Variants in TTLL2 observed in about 807,000 individuals in gnomAD.
TTLL2 encodes the protein probable tubulin polyglutamylase TTLL2.
In TTLL2, 10 loss-of-function variants were observed where a neutral mutation model predicts 7.5. The observed-to-expected ratio is 1.33, with a 90% confidence interval of 0.82 to 2.25. TTLL2 has a LOEUF of 2.25. TTLL2 is among the 30% of genes most tolerant of loss of function. The pLI, the probability that TTLL2 is intolerant of heterozygous loss-of-function variation, is 0.00. For synonymous variants in TTLL2, 284 were observed against 280.3 expected (o/e 1.01, Z -0.13); for missense variants, 733 against 735.7 (o/e 1.00, Z 0.04).
intron 2 of TTLL2, 42 bp downstream of exon 2, chr6:167,338,845 T>A (rs1779030360): frequency 7.0e-7 from 1 of 1,436,546 alleles, no homozygotes; most frequent in Non-Finnish European, 9.3e-7. Flanking sequence ...CCTTCCTTCC[T>A]TCCTTCCTTC....
In TTLL2 at chr6:167,341,837, T is replaced by C; in HGVS notation, c.*158T>C. On this transcript the variant is annotated 3_prime_UTR_variant, in exon 3 of 3. Coordinates refer to ENST00000239587, the MANE Select transcript of TTLL2 (RefSeq NM_031949.5). ...TGGCCATATGTATAAATATAACAGC[T>C]CTGACAAAGCACAATATGTTCAAGT... The C allele has an allele frequency of 1.3e-6, 1 of 758,244 alleles. No individual in the cohort carries two copies. Among genetic ancestry groups the C allele is most frequent in the Non-Finnish European group, 2.1e-6 (1 of 486,412 alleles). 47.0% of individuals were successfully genotyped at this position (758,244 alleles called of 1,614,324 possible).
intron 1 of TTLL2, among the ~76,000 whole-genome samples, chr6:167,326,703 C>G (rs1048981047): frequency 6.6e-6 from 1 of 152,190 alleles, no homozygotes; most frequent in Non-Finnish European, 1.5e-5. Context: ...TGTAAACTTT[C>G]TTAAAACATC....
At chr6:167,335,329 T>C (rs1314879309) in intron 1 of TTLL2, among the ~76,000 whole-genome samples, 2 of 151,276 alleles carry the variant, frequency 1.3e-5, no homozygotes, top group East Asian at 3.9e-4. Context: ...CAACAGGTGC[T>C]GGAGAGGATG....
At chr6:167,329,811 T>C (rs185642151) in intron 1 of TTLL2, among the ~76,000 whole-genome samples, 15 of 152,336 alleles carry the variant, frequency 9.8e-5, no homozygotes, top group African/African-American at 3.6e-4. Context: ...TTTATTATGC[T>C]AGCAGTCGTT....
chr6:167,338,222 C>G (rs1317822578), intron 1 of TTLL2, among the ~76,000 whole-genome samples: 1 of 151,822 alleles, frequency 6.6e-6, no homozygotes, highest in African/African-American at 2.4e-5. Flanking sequence ...ACACACACAA[C>G]ATACACACAA....
intron 1 of TTLL2, among the ~76,000 whole-genome samples, chr6:167,334,119 T>C (rs1299116714): frequency 1.4e-5 from 2 of 142,754 alleles, no homozygotes; most frequent in Non-Finnish European, 3.0e-5. Flanking sequence ...TTTGAATGCG[T>C]CCCAGAGATT....
rs76126358 is a variant in TTLL2, at chr6:167,342,680, A to C, written c.*1001A>C. ...TGTGTTTTACCACAATAAAAAAGTT[A>C]AAAGCTGGCCATGGTGGCTCATGCC... is the stretch of plus-strand genomic sequence containing the variant. On this transcript the variant is annotated 3_prime_UTR_variant, in exon 3 of 3. Coordinates refer to ENST00000239587, the MANE Select transcript of TTLL2 (RefSeq NM_031949.5). 4.3e-4 allele frequency among the ~76,000 whole-genome samples: 65 copies of C among 152,294 alleles called. No homozygotes were observed. In the East Asian group the frequency reaches 0.011, roughly 26 times the overall value.
In TTLL2 at chr6:167,341,059, G is replaced by A. The variant is rs780860560; in HGVS notation, c.1159G>A (p.Val387Ile). 6.2e-6 allele frequency: 10 copies of A among 1,613,874 alleles called. No individual in the cohort carries two copies. The highest frequency in any genetic ancestry group is 8.5e-6 in the Non-Finnish European group (10 of 1,180,018). Residue 387 changes from valine to isoleucine, a missense_variant, in exon 3 of 3, where the codon GTC (valine) becomes ATC (isoleucine). By Grantham distance (29) the Val-to-Ile change is conservative. Transcript: ENST00000239587. ...DDNLKPWLLE[V>I]NYSPALTLDC... ...CAACTTGAAACCATGGCTTTTAGAG[G>A]TCAACTACAGCCCAGCCTTGACCTT...
At chr6:167,325,352 G>C in intron 1 of TTLL2, 132 bp downstream of exon 1, 2 of 850,296 alleles carry the variant, frequency 2.4e-6, no homozygotes, top group Non-Finnish European at 3.5e-6. Flanking sequence ...GACCCCCGAG[G>C]GGCAATTTGT....
In TTLL2 at chr6:167,338,757, C is replaced by G; in HGVS notation, c.158C>G (p.Ser53Cys). The G allele has an allele frequency of 6.2e-7, 1 of 1,613,870 alleles. No homozygotes were observed. Among genetic ancestry groups the G allele is most frequent in the Non-Finnish European group, 8.5e-7 (1 of 1,179,878 alleles). Reference sequence around the variant, plus strand: ...GCAAGGCTACAGGAAGCAGGTGTTTCCATCCCTCCCAGGCGAGGCCGCCCA... The same window carrying G: ...GCAAGGCTACAGGAAGCAGGTGTTTGCATCCCTCCCAGGCGAGGCCGCCCA... ...LGARLQEAGV[S>C]IPPRRGRPTP... The change falls in exon 2 of 3, where the codon TCC becomes TGC. Residue 53 changes from serine (S) to cysteine (C), a missense_variant. Ser to Cys is a moderately radical substitution (Grantham distance 112, BLOSUM62 -1). Transcript: ENST00000239587.
intron 1 of TTLL2, among the ~76,000 whole-genome samples, chr6:167,326,718 A>AT (rs752363754): frequency 2.6e-5 from 4 of 152,072 alleles, no homozygotes; most frequent in Admixed American, 6.5e-5. Context: ...AACATCATGA[A>AT]TTTTTTGTGA....
At chr6:167,336,481 A>T (rs2115219675) in intron 1 of TTLL2, among the ~76,000 whole-genome samples, 1 of 152,244 alleles carries the variant, frequency 6.6e-6, no homozygotes, top group East Asian at 1.9e-4. Flanking sequence ...AAGCATATAA[A>T]TATATAATTA....
Position 167,341,469 on chromosome 6 carries a change from C to T in TTLL2, c.1569C>T (p.Pro523=). ...ACACGCCTCACAAGACACTCATGCCCTACGCGTCCCTCTTCCAGTCGCACT... is the reference window on the plus strand; with the variant it reads ...ACACGCCTCACAAGACACTCATGCCTTACGCGTCCCTCTTCCAGTCGCACT... ...SRHTPHKTLM[P]YASLFQSHSC... is the part of the protein sequence containing the mutation. The change falls in exon 3 of 3, where the codon CCC becomes CCT. Residue 523 remains proline (P), a synonymous_variant. Transcript: ENST00000239587. The T allele has an allele frequency of 6.2e-7, 1 of 1,614,086 alleles. No homozygotes were observed. The highest frequency in any genetic ancestry group is 1.7e-5 in the Admixed American group (1 of 60,022).
At chr6:167,335,720 A>G (rs1377972442) in intron 1 of TTLL2, among the ~76,000 whole-genome samples, 4 of 151,280 alleles carry the variant, frequency 2.6e-5, no homozygotes, top group African/African-American at 7.3e-5. Context: ...CTATCGCAAG[A>G]ACAAAAAACC....
At chr6:167,327,557 T>C (rs1325531104) in intron 1 of TTLL2, among the ~76,000 whole-genome samples, 1 of 152,198 alleles carries the variant, frequency 6.6e-6, no homozygotes, top group African/African-American at 2.4e-5. Context: ...AATTTGGAAC[T>C]CACTGTGCTA....
Position 167,341,418 on chromosome 6 carries a change from A to G in TTLL2, c.1518A>G (p.Gln506=). 3.1e-6 allele frequency: 5 copies of G among 1,613,920 alleles called. No individual in the cohort carries two copies. The highest frequency in any genetic ancestry group is 3.4e-6 in the Non-Finnish European group (4 of 1,179,998). Reference sequence around the variant, plus strand: ...ATCTGTCAACAAGGGAGATGCCACAAAGCAAGCCCAAGTTACGGAGCAGGC... The same window carrying G: ...ATCTGTCAACAAGGGAGATGCCACAGAGCAAGCCCAAGTTACGGAGCAGGC... ...DFHLSTREMP[Q]SKPKLRSRHT... Residue 506 remains glutamine (Q), a synonymous_variant, in exon 3 of 3, where the codon CAA becomes CAG. Transcript: ENST00000239587.
chr6:167,334,483 A>C (rs567628630), intron 1 of TTLL2, among the ~76,000 whole-genome samples: 69 of 152,052 alleles, frequency 4.5e-4, no homozygotes, highest in Admixed American at 1.2e-3. Flanking sequence ...AGCTGAGTTC[A>C]ATTCCTGGGT....
rs1324276560 is a variant in TTLL2 at position 167,338,725 on chromosome 6, C to T, written c.126C>T (p.Gly42=). ...EANHTEQPPA[G]LGARLQEAGV... ...ACCACACTGAGCAGCCGCCTGCAGG[C>T]CTGGGAGCAAGGCTACAGGAAGCAG... is the stretch of plus-strand genomic sequence containing the variant. Residue 42 remains glycine (G), a synonymous_variant, in exon 2 of 3, where the codon GGC becomes GGT. Transcript: ENST00000239587. 1 of 1,614,126 alleles carries T rather than the reference C, an allele frequency of 6.2e-7. No individual in the cohort carries two copies. Among genetic ancestry groups the T allele is most frequent in the Non-Finnish European group, 8.5e-7 (1 of 1,179,988 alleles).
intron 1 of TTLL2, among the ~76,000 whole-genome samples, chr6:167,326,912 G>T (rs1315170352): frequency 6.6e-6 from 1 of 152,128 alleles, no homozygotes; most frequent in Non-Finnish European, 1.5e-5. Context: ...TATGTGCCAA[G>T]GTTAAGGATG....
Sources: gnomAD v4.1 joint callset for allele counts (sites outside exome capture counted in the v4.1 genomes callset) on GRCh38, gnomAD v4.1.1 for gene constraint, MANE v1.5 for transcripts, NCBI Gene and HGNC (gene_info 2026-07-23, HGNC 2026-07-21) for gene names.